The following STRIP2 variants were observed in gnomAD, a reference collection of about 807,000 sequenced individuals.
STRIP2 encodes the protein striatin-interacting protein 2.
STRIP2 carries 84 observed loss-of-function variants against 107.1 expected under a neutral mutation model. The observed-to-expected ratio is 0.78, with a 90% CI of 0.66 to 0.94. The LOEUF (loss-of-function observed/expected upper bound fraction) is 0.94, where lower values mean the gene tolerates loss of function less well. Ranked by LOEUF, STRIP2 falls within the 40% of genes least tolerant of loss-of-function variation. The probability of loss-of-function intolerance (pLI) is 0.00; values close to 1 mark genes in which losing one functional copy is unlikely to be tolerated. For synonymous variants in STRIP2, 394 were observed against 400.4 expected (o/e 0.98, Z 0.19); for missense variants, 888 against 1,034.2 (o/e 0.86, Z 1.94).
At chr7:129,440,622 C>T (rs1040166704) in intron 2 of STRIP2, among the ~76,000 whole-genome samples, 2 of 152,070 alleles carry the variant, frequency 1.3e-5, no homozygotes, top group Non-Finnish European at 2.9e-5. Context: ...GACATGTCAC[C>T]TGCATCCATC....
At chr7:129,457,143 A>G (rs1332631783) in intron 9 of STRIP2, among the ~76,000 whole-genome samples, 1 of 152,210 alleles carries the variant, frequency 6.6e-6, no homozygotes, top group Non-Finnish European at 1.5e-5. Flanking sequence ...TAACCATGTG[A>G]CACTAAACGA....
intron 16 of STRIP2, among the ~76,000 whole-genome samples, chr7:129,466,783 C>G (rs968713559): frequency 2.6e-5 from 4 of 152,172 alleles, no homozygotes; most frequent in African/African-American, 9.7e-5. Context: ...AAAACATTTA[C>G]TAATATTCTT....
At chr7:129,479,199 G>T (rs1315685326) in intron 18 of STRIP2, among the ~76,000 whole-genome samples, 76 of 151,482 alleles carry the variant, frequency 5.0e-4, no homozygotes, top group Non-Finnish European at 4.4e-5. Context: ...GCTTGAACCT[G>T]GGAGGCAGAG....
Position 129,458,920 on chromosome 7 carries a change from T to C in STRIP2, c.1340+143T>C. 1.4e-6 allele frequency: 1 copy of C among 692,378 alleles called. No homozygotes were observed. The highest frequency in any genetic ancestry group is 2.5e-6 in the Non-Finnish European group (1 of 407,198). The allele number at this position is 692,378 out of a possible 1,614,324, so 42.9% of individuals were successfully genotyped here. A position where few individuals can be genotyped will look rare whatever the true frequency, so the allele number is the denominator to read the frequency against. On this transcript the variant is annotated intron_variant, in intron 11 of 20. Transcript: ENST00000249344. The surrounding 1 kb of genome is among the most constrained non-coding windows in gnomAD (Gnocchi z 4.6). ...CCATGGACAACTCCCAGTGACTACT[T>C]TGGGTTCTTTCTATGGATTTCTTTT...
intron 9 of STRIP2, among the ~76,000 whole-genome samples, chr7:129,457,417 C>T (rs541660848): frequency 1.3e-5 from 2 of 152,184 alleles, no homozygotes; most frequent in African/African-American, 2.4e-5. Context: ...ATTACATATG[C>T]AGTCCATTGT....
intron 19 of STRIP2, among the ~76,000 whole-genome samples, chr7:129,481,228 G>A (rs188128808): frequency 7.3e-4 from 111 of 152,286 alleles, no homozygotes; most frequent in African/African-American, 2.2e-3. Context: ...TCTGGGCTCC[G>A]TAGCTCATGC....
At chr7:129,460,262 G>A in intron 12 of STRIP2, 39 bp from the exon 13 acceptor site, 1 of 1,575,546 alleles carries the variant, frequency 6.3e-7, no homozygotes. Flanking sequence ...ATGTGAATGA[G>A]GCCCTCAGCC....
intron 16 of STRIP2, among the ~76,000 whole-genome samples, chr7:129,465,752 AT>A (rs1172662217): frequency 1.2e-4 from 18 of 152,290 alleles, no homozygotes; most frequent in Non-Finnish European, 2.2e-4. Flanking sequence ...CATTGCCAAG[AT>A]ATAGGGACAA....
chr7:129,458,620 T>C lies in STRIP2; in HGVS notation c.1275-92T>C. On this transcript the variant is annotated intron_variant, in intron 10 of 20. Transcript: ENST00000249344. This position sits in a 1 kb window ranked among gnomAD's most constrained non-coding sequence, Gnocchi z 4.6. ...GCCTTTTTCCACTGCTCCAGTCCTC[T>C]GATTGGAGGGATAGGAGCCCGGAAA... 7.0e-7 allele frequency: 1 copy of C among 1,430,860 alleles called. No individual in the cohort carries two copies. Among genetic ancestry groups the C allele is most frequent in the Non-Finnish European group, 9.8e-7 (1 of 1,021,964 alleles). 88.6% of individuals were successfully genotyped at this position (1,430,860 alleles called of 1,614,324 possible). A position where few individuals can be genotyped will look rare whatever the true frequency, so the allele number is the denominator to read the frequency against.
rs953720186 is a variant in STRIP2, at chr7:129,487,679, T to C, written c.*1850T>C. 1 of 152,202 alleles carries C rather than the reference T, an allele frequency of 6.6e-6. No individual in the cohort carries two copies. Among genetic ancestry groups the C allele is most frequent in the Non-Finnish European group, 1.5e-5 (1 of 68,032 alleles). 9.4% of individuals were successfully genotyped at this position (152,202 alleles called of 1,614,324 possible). The stretch of plus-strand genomic sequence containing the variant: ...TAGTCCTTACTGCAATCAAAATAAT[T>C]TACTGAGCACAACTCCTGTAAATTA... On this transcript the variant is annotated 3_prime_UTR_variant, in exon 21 of 21. Coordinates refer to ENST00000249344, the MANE Select transcript of STRIP2 (RefSeq NM_020704.3).
At chr7:129,475,874 G>C (rs1798911708) in intron 18 of STRIP2, among the ~76,000 whole-genome samples, 1 of 152,158 alleles carries the variant, frequency 6.6e-6, no homozygotes, top group African/African-American at 2.4e-5. Context: ...AGAGCACCGG[G>C]TTGGGGGCAA....
chr7:129,471,108 T>C (rs535167889), intron 18 of STRIP2, among the ~76,000 whole-genome samples: 2 of 152,250 alleles, frequency 1.3e-5, no homozygotes, highest in East Asian at 1.9e-4. Context: ...TTCATATAGG[T>C]AATAAAACCT....
chr7:129,473,778 C>T (rs558279027), intron 18 of STRIP2, among the ~76,000 whole-genome samples: 206 of 151,938 alleles, frequency 1.4e-3, no homozygotes, highest in Non-Finnish European at 2.6e-3. Flanking sequence ...AGTGCAGTGG[C>T]GCCATCTTGG....
intron 3 of STRIP2, among the ~76,000 whole-genome samples, chr7:129,447,155 G>A (rs1161089755): frequency 6.6e-6 from 1 of 152,172 alleles, no homozygotes; most frequent in Non-Finnish European, 1.5e-5. Flanking sequence ...AGAGCAGCTT[G>A]CACAACAGCC....
chr7:129,481,549 C>A (rs1310202771), intron 19 of STRIP2, among the ~76,000 whole-genome samples: 2 of 152,040 alleles, frequency 1.3e-5, no homozygotes, highest in African/African-American at 4.8e-5. Context: ...GCTAAATGCT[C>A]ATTAAGCAGG....
intron 19 of STRIP2, among the ~76,000 whole-genome samples, chr7:129,481,822 C>A (rs1322891844): frequency 1.3e-5 from 2 of 151,940 alleles, no homozygotes; most frequent in Non-Finnish European, 2.9e-5. Flanking sequence ...ATAAAAAAAA[C>A]CAGGTATAGA....
chr7:129,479,467 G>C (rs1562918666), intron 18 of STRIP2, among the ~76,000 whole-genome samples: 1 of 149,116 alleles, frequency 6.7e-6, no homozygotes, highest in Non-Finnish European at 1.5e-5. Flanking sequence ...GTATGATGGA[G>C]AATATTATTT....
At chr7:129,462,739 A>G (rs1024093858) in intron 13 of STRIP2, among the ~76,000 whole-genome samples, 3 of 152,182 alleles carry the variant, frequency 2.0e-5, no homozygotes, top group African/African-American at 7.2e-5. Context: ...AGGTACTGAA[A>G]GGTCATCCAG....
chr7:129,443,154 C>T (rs1797947138), intron 2 of STRIP2, among the ~76,000 whole-genome samples: 1 of 151,936 alleles, frequency 6.6e-6, no homozygotes, highest in Non-Finnish European at 1.5e-5. Context: ...GATCCTCCAC[C>T]TCAGCCTCCT....
Sources: allele counts gnomAD v4.1 joint callset (sites outside exome capture counted in the v4.1 genomes callset), GRCh38; gene constraint gnomAD v4.1.1; non-coding constraint Gnocchi (gnomAD v3.1); transcripts MANE v1.5; gene names NCBI Gene and HGNC (gene_info 2026-07-23, HGNC 2026-07-21).